Variants in ASTN2 observed in about 807,000 individuals in gnomAD.
ASTN2 encodes the protein astrotactin 2.
In ASTN2, 54 loss-of-function variants were observed where a neutral mutation model predicts 139.8. That is an observed-to-expected ratio of 0.39 (90% CI 0.31 to 0.48). The LOEUF is 0.48. ASTN2 is among the 20% of genes least tolerant of loss of function. The pLI is 0.95. For synonymous variants in ASTN2, 756 were observed against 719.5 expected (o/e 1.05, Z -0.81); for missense variants, 1,565 against 1,725.1 (o/e 0.91, Z 1.64).
At chr9:116,902,676 T>A (rs572885334) in intron 10 of ASTN2, among the ~76,000 whole-genome samples, 1 of 152,108 alleles carries the variant, frequency 6.6e-6, no homozygotes, top group Non-Finnish European at 1.5e-5. Context: ...TCAGAAGATA[T>A]CCCTGTTGTT....
intron 19 of ASTN2, among the ~76,000 whole-genome samples, chr9:116,512,533 T>C (rs544782144): frequency 2.4e-4 from 36 of 152,178 alleles, no homozygotes; most frequent in African/African-American, 7.7e-4. Flanking sequence ...TGGTGTAGAG[T>C]TGAGTTCAAT....
intron 2 of ASTN2, among the ~76,000 whole-genome samples, chr9:117,247,561 G>A (rs1833417679): frequency 6.6e-6 from 1 of 152,140 alleles, no homozygotes; most frequent in African/African-American, 2.4e-5. Context: ...TACAGTCCTC[G>A]AATAAAACTT....
chr9:116,964,264 C>CGT (rs1835952351), intron 10 of ASTN2, among the ~76,000 whole-genome samples: 3 of 150,554 alleles, frequency 2.0e-5, no homozygotes, highest in East Asian at 2.0e-4. Context: ...TGTGCGCGCG[C>CGT]GCGCGTGTGT....
intron 7 of ASTN2, among the ~76,000 whole-genome samples, chr9:116,997,201 C>T (rs1837050948): frequency 6.6e-6 from 1 of 152,186 alleles, no homozygotes; most frequent in South Asian, 2.1e-4. Flanking sequence ...CCCTAACCTT[C>T]TTGACCTTCT....
At chr9:117,274,767 G>C (rs1834146546) in intron 2 of ASTN2, among the ~76,000 whole-genome samples, 1 of 152,176 alleles carries the variant, frequency 6.6e-6, no homozygotes, top group South Asian at 2.1e-4. Flanking sequence ...GGTCATACAA[G>C]TAGTAGGCCA....
intron 10 of ASTN2, among the ~76,000 whole-genome samples, chr9:116,938,998 C>T (rs1835154129): frequency 6.6e-6 from 1 of 152,156 alleles, no homozygotes; most frequent in African/African-American, 2.4e-5. Flanking sequence ...TATTAGGGTA[C>T]CCACTCTGTT....
chr9:117,302,390 T>C (rs1381228779), intron 1 of ASTN2, among the ~76,000 whole-genome samples: 1 of 152,166 alleles, frequency 6.6e-6, no homozygotes, highest in Non-Finnish European at 1.5e-5. Context: ...CATGATGCAG[T>C]GTTCTTCTGA....
rs376596822 is a variant in ASTN2 at position 116,892,727 on chromosome 9, A to T, written c.1890-28994T>A. Reference sequence around the variant, plus strand: ...ATCGTTATTTTGCTGTCTTTGATCCAAGCATGAATGCTCTTTCTCTAGATA... The same window carrying T: ...ATCGTTATTTTGCTGTCTTTGATCCTAGCATGAATGCTCTTTCTCTAGATA... On this transcript the variant is annotated intron_variant, in intron 10 of 22. Coordinates refer to ENST00000313400, the MANE Select transcript of ASTN2 (RefSeq NM_001365068.1). Among the ~76,000 whole-genome samples, 15 of 152,304 alleles carry T rather than the reference A, an allele frequency of 9.8e-5. No homozygotes were observed. The East Asian group carries it at 2.1e-3, about 22-fold the overall frequency.
intron 1 of ASTN2, among the ~76,000 whole-genome samples, chr9:117,397,690 T>C (rs186420692): frequency 6.6e-6 from 1 of 152,348 alleles, no homozygotes; most frequent in Non-Finnish European, 1.5e-5. Flanking sequence ...TCTATTACTT[T>C]TTATGATTCT....
chr9:116,615,955 T>A (rs549215248), intron 19 of ASTN2, among the ~76,000 whole-genome samples: 33 of 152,110 alleles, frequency 2.2e-4, no homozygotes, highest in South Asian at 6.2e-4. Context: ...ACAATTAGCA[T>A]CATACTTAAT....
rs774352323 is a variant in ASTN2, at chr9:116,976,763, G to A, written c.1614C>T (p.Gly538=). 29 of 1,613,972 alleles carry A rather than the reference G, an allele frequency of 1.8e-5. No individual in the cohort carries two copies. The highest frequency in any genetic ancestry group is 2.4e-5 in the Non-Finnish European group (28 of 1,179,974). Residue 538 remains glycine, a synonymous_variant, in exon 8 of 23, where the codon GGC becomes GGT. Transcript: ENST00000313400. ...GTCTGTGAACAGGGTCAGGGGCATA[G>A]CCTTCATGACAGCTGCACTCTCCTG... ...PETGECSCHE[G]YAPDPVHRHL...
intron 10 of ASTN2, among the ~76,000 whole-genome samples, chr9:116,948,786 T>TTTTTTTTTTTTG (rs1835472744): frequency 1.1e-4 from 1 of 9,084 alleles, no homozygotes; most frequent in Admixed American, 2.4e-3. Context: ...TAATTTGGTG[T>TTTTTTTTTTTTG]TTTTTTTTTT....
intron 13 of ASTN2, among the ~76,000 whole-genome samples, chr9:116,759,669 T>C (rs529363984): frequency 9.8e-5 from 15 of 152,326 alleles, no homozygotes; most frequent in East Asian, 9.6e-4. Context: ...GTGATCACTG[T>C]GTATAAAGCA....
At chr9:116,859,593 G>A (rs1437845227) in intron 11 of ASTN2, among the ~76,000 whole-genome samples, 1 of 152,204 alleles carries the variant, frequency 6.6e-6, no homozygotes, top group Non-Finnish European at 1.5e-5. Context: ...ATCTGAGCTG[G>A]TGGAAGACAG....
intron 10 of ASTN2, among the ~76,000 whole-genome samples, chr9:116,950,205 C>T (rs185400846): frequency 6.6e-6 from 1 of 152,260 alleles, no homozygotes; most frequent in East Asian, 1.9e-4. Context: ...GCATCCATAG[C>T]CTCTACCAAC....
At chr9:117,238,623 T>C (rs1290167989) in intron 2 of ASTN2, among the ~76,000 whole-genome samples, 1 of 152,200 alleles carries the variant, frequency 6.6e-6, no homozygotes, top group Non-Finnish European at 1.5e-5. Context: ...AGAAACTGAT[T>C]ATTCCTTGAT....
intron 19 of ASTN2, among the ~76,000 whole-genome samples, chr9:116,605,829 G>T (rs1855164900): frequency 6.6e-6 from 1 of 152,146 alleles, no homozygotes; most frequent in African/African-American, 2.4e-5. Context: ...AACTACACTG[G>T]AGGTAATATG....
At chr9:116,514,051 G>A (rs993910169) in intron 19 of ASTN2, among the ~76,000 whole-genome samples, 5 of 151,884 alleles carry the variant, frequency 3.3e-5, no homozygotes, top group East Asian at 1.9e-4. Context: ...GAGGAGCTGC[G>A]TTCCTTTGGA....
At chr9:116,910,404 A>C (rs1463093399) in intron 10 of ASTN2, among the ~76,000 whole-genome samples, 1 of 152,172 alleles carries the variant, frequency 6.6e-6, no homozygotes, top group Non-Finnish European at 1.5e-5. Context: ...TCTACCCACT[A>C]GGTGCCAGTA....
Sources: gnomAD v4.1 joint callset for allele counts (sites outside exome capture counted in the v4.1 genomes callset) on GRCh38, gnomAD v4.1.1 for gene constraint, MANE v1.5 for transcripts, NCBI Gene and HGNC (gene_info 2026-07-23, HGNC 2026-07-21) for gene names.